GPM6A: variants seen among roughly 807,000 people sequenced by gnomAD.
GPM6A encodes glycoprotein M6A.
Under a neutral mutation model 32.1 loss-of-function variants are expected in GPM6A, and 7 were observed. The observed-to-expected ratio is 0.22, with a 90% CI of 0.12 to 0.41. GPM6A has a LOEUF of 0.41. Among genes scored for constraint, GPM6A ranks in the 10% least tolerant of loss-of-function variants. The pLI, the probability that GPM6A is intolerant of heterozygous loss-of-function variation, is 1.00. For missense variants in GPM6A, 235 were observed against 347.2 expected (o/e 0.68, Z 2.57); for synonymous variants, 130 against 123.4 (o/e 1.05, Z -0.35).
chr4:175,786,482 T>G (rs183806222), intron 1 of GPM6A, among the ~76,000 whole-genome samples: 1 of 151,916 alleles, frequency 6.6e-6, no homozygotes, highest in Non-Finnish European at 1.5e-5. Context: ...TCTGATTGTC[T>G]ATTTTCATCC....
chr4:175,931,020 C>G (rs921914216), intron 1 of GPM6A, among the ~76,000 whole-genome samples: 5 of 152,038 alleles, frequency 3.3e-5, no homozygotes, highest in Non-Finnish European at 7.4e-5. Context: ...GAAATCATAT[C>G]TAATTTTAAA....
intron 3 of GPM6A, among the ~76,000 whole-genome samples, chr4:175,654,579 A>C (rs144462474): frequency 6.6e-6 from 1 of 152,298 alleles, no homozygotes; most frequent in Admixed American, 6.5e-5. Context: ...TAAAGGAATT[A>C]GATTTCATTT....
At chr4:175,770,794 A>G (rs992494229) in intron 1 of GPM6A, among the ~76,000 whole-genome samples, 2 of 152,098 alleles carry the variant, frequency 1.3e-5, no homozygotes, top group African/African-American at 2.4e-5. Flanking sequence ...ATATCCAGAT[A>G]TACTTCGATG....
At chr4:175,709,846 G>A (rs61668367) in intron 1 of GPM6A, among the ~76,000 whole-genome samples, 1 of 151,494 alleles carries the variant, frequency 6.6e-6, no homozygotes, top group African/African-American at 2.4e-5. Context: ...TAGCCATTCA[G>A]AAGCTCAGGT....
intron 1 of GPM6A, among the ~76,000 whole-genome samples, chr4:175,915,026 C>T (rs1387421010): frequency 6.6e-6 from 1 of 152,004 alleles, no homozygotes; most frequent in Non-Finnish European, 1.5e-5. Context: ...CCAAATTGGC[C>T]TTCTAAAGCT....
At chr4:175,654,533 C>T (rs1308536319) in intron 3 of GPM6A, among the ~76,000 whole-genome samples, 1 of 151,940 alleles carries the variant, frequency 6.6e-6, no homozygotes, top group Non-Finnish European at 1.5e-5. Context: ...TTTGTACATA[C>T]TATGTAATTA....
At chr4:175,665,285 T>G (rs1003633879) in intron 3 of GPM6A, among the ~76,000 whole-genome samples, 4 of 152,166 alleles carry the variant, frequency 2.6e-5, no homozygotes, top group Non-Finnish European at 5.9e-5. Context: ...CATGTCTTCA[T>G]GTACAAGTCT....
intron 1 of GPM6A, among the ~76,000 whole-genome samples, chr4:175,905,319 C>A (rs1738096066): frequency 6.6e-6 from 1 of 152,142 alleles, no homozygotes; most frequent in Non-Finnish European, 1.5e-5. Context: ...CCCAGAATGG[C>A]TTTGAATGCA....
intron 1 of GPM6A, among the ~76,000 whole-genome samples, chr4:175,733,456 T>C (rs973523761): frequency 2.6e-5 from 4 of 152,142 alleles, no homozygotes; most frequent in African/African-American, 9.7e-5. Context: ...TGAGCCAAGA[T>C]TGCGCCACTG....
At position 175,802,440 on chromosome 4, in the gene GPM6A, C is replaced by A. The variant is rs77986098; in HGVS notation, c.37+9751G>T. The stretch of plus-strand genomic sequence containing the variant: ...CAAATGCCCTGTTTTCAGATACTGT[C>A]TTGATCCCATCTAAAATATAAGCCA... On this transcript the variant is annotated intron_variant, in intron 1 of 6. Transcript: ENST00000393658. 2.5e-3 allele frequency among the ~76,000 whole-genome samples: 375 copies of A among 152,144 alleles called. 12 individuals carry two copies. The East Asian group carries it at 0.064, about 26-fold the overall frequency.
chr4:175,899,692 C>T (rs1377775797), intron 1 of GPM6A, among the ~76,000 whole-genome samples: 1 of 152,044 alleles, frequency 6.6e-6, no homozygotes, highest in African/African-American at 2.4e-5. Flanking sequence ...AACTACACCC[C>T]TATCTCTCGC....
chr4:175,774,267 C>T (rs1309632213), intron 1 of GPM6A, among the ~76,000 whole-genome samples: 1 of 151,950 alleles, frequency 6.6e-6, no homozygotes, highest in Non-Finnish European at 1.5e-5. Context: ...TCTTCCGAAC[C>T]AAAGGTCTCT....
At chr4:175,956,829 A>T (rs1740002383) in intron 1 of GPM6A, among the ~76,000 whole-genome samples, 2 of 152,220 alleles carry the variant, frequency 1.3e-5, no homozygotes, top group Admixed American at 6.5e-5. Context: ...GTTGGAGAAT[A>T]AGGACAATTT....
intron 1 of GPM6A, among the ~76,000 whole-genome samples, chr4:175,995,490 C>T (rs1014806920): frequency 6.6e-6 from 1 of 150,498 alleles, no homozygotes; most frequent in Admixed American, 6.6e-5. Flanking sequence ...GAAGGAATAA[C>T]AGCTGTAATG....
chr4:175,937,367 G>T (rs980965579), intron 1 of GPM6A, among the ~76,000 whole-genome samples: 1 of 152,034 alleles, frequency 6.6e-6, no homozygotes, highest in Non-Finnish European at 1.5e-5. Context: ...GCACTTTAAC[G>T]CATTTAAGAT....
At chr4:175,878,066 T>C (rs968490590) in intron 1 of GPM6A, among the ~76,000 whole-genome samples, 1 of 152,240 alleles carries the variant, frequency 6.6e-6, no homozygotes, top group African/African-American at 2.4e-5. Flanking sequence ...TTTGACTCCA[T>C]GTCTCCCATC....
At chr4:175,659,207 A>G (rs1674542530) in intron 3 of GPM6A, among the ~76,000 whole-genome samples, 1 of 151,500 alleles carries the variant, frequency 6.6e-6, no homozygotes, top group South Asian at 2.1e-4. Context: ...CTCAGCCTCT[A>G]GAGTAGCTGG....
At chr4:175,968,297 T>C (rs901787019) in intron 1 of GPM6A, among the ~76,000 whole-genome samples, 2 of 152,132 alleles carry the variant, frequency 1.3e-5, no homozygotes, top group Non-Finnish European at 2.9e-5. Context: ...TAGACCTAAA[T>C]GTAAACCACA....
At chr4:175,870,912 C>T (rs138209792) in intron 1 of GPM6A, among the ~76,000 whole-genome samples, 1 of 152,074 alleles carries the variant, frequency 6.6e-6, no homozygotes, top group East Asian at 1.9e-4. Context: ...TAAAAGCACC[C>T]ATCACACAAA....
Sources: allele counts gnomAD v4.1 joint callset (sites outside exome capture counted in the v4.1 genomes callset), GRCh38; gene constraint gnomAD v4.1.1; transcripts MANE v1.5; gene names NCBI Gene and HGNC (gene_info 2026-07-23, HGNC 2026-07-21).